The following CLCN7 variants were observed in gnomAD, a reference collection of about 807,000 sequenced individuals.
CLCN7 encodes the protein H(+)/Cl(-) exchange transporter 7.
In CLCN7, 60 loss-of-function variants were observed where a neutral mutation model predicts 102.1. That is an observed-to-expected ratio of 0.59 (90% CI 0.48 to 0.73). CLCN7 has a LOEUF of 0.73. Ranked by LOEUF, CLCN7 falls within the 30% of genes least tolerant of loss-of-function variation. CLCN7 has a pLI of 0.00. For synonymous variants in CLCN7, 560 were observed against 490.5 expected, an observed-to-expected ratio of 1.14 and a Z score of -1.87; for missense variants, 962 against 1,125.7, an observed-to-expected ratio of 0.85 and a Z score of 2.08.
chr16:1,449,768 A>T (rs1020894684), intron 17 of CLCN7: 1 of 228,226 alleles, frequency 4.4e-6, no homozygotes, highest in Non-Finnish European at 8.5e-6. Flanking sequence ...GGAACATTCT[A>T]GAAGTGGTAG....
chr16:1,447,770 G>T (rs2038677120), intron 21 of CLCN7, 56 bp from the exon 22 acceptor site: 3 of 1,527,814 alleles, frequency 2.0e-6, no homozygotes, highest in Non-Finnish European at 2.7e-6. Flanking sequence ...GGCTGCGCTG[G>T]AATGCTGTGT....
intron 23 of CLCN7, 110 bp downstream of exon 23, chr16:1,447,282 C>T (rs973723362): frequency 1.1e-5 from 14 of 1,255,186 alleles, no homozygotes; most frequent in Admixed American, 8.3e-5. Context: ...ACAGAGTCAC[C>T]GAGTCCTCTC....
In CLCN7 at chr16:1,474,998, C is replaced by G; in HGVS notation, c.-24G>C. ...ATGGCCCGCCGCGGAGCGACACCGG[C>G]CGGGAAGCGCCGGCTGCCCCCGTGT... On this transcript the variant is annotated 5_prime_UTR_variant, in exon 1 of 25. Transcript: ENST00000382745. The G allele has an allele frequency of 6.9e-7, 1 of 1,439,468 alleles. No homozygotes were observed. Among genetic ancestry groups the G allele is most frequent in the Non-Finnish European group, 9.1e-7 (1 of 1,094,482 alleles). 89.2% of individuals were successfully genotyped at this position (1,439,468 alleles called of 1,614,324 possible). A position where few individuals can be genotyped will look rare whatever the true frequency, so the allele number is the denominator to read the frequency against.
chr16:1,455,700 G>C (rs1416638959), intron 11 of CLCN7, 31 bp downstream of exon 11: 3 of 1,610,838 alleles, frequency 1.9e-6, no homozygotes, highest in Admixed American at 1.7e-5. Context: ...CATGCACCCT[G>C]ATCAGGAGGC....
At chr16:1,453,349 T>C (rs1392690446) in intron 14 of CLCN7, among the ~76,000 whole-genome samples, 1 of 152,110 alleles carries the variant, frequency 6.6e-6, no homozygotes, top group Non-Finnish European at 1.5e-5. Context: ...CACCCAAATG[T>C]CCTGGGGTCG....
chr16:1,457,692 A>G lies in CLCN7; in HGVS notation c.738+2T>C, dbSNP rs1314528523. 6.2e-7 allele frequency: 1 copy of G among 1,613,582 alleles called. No homozygotes were observed. Among genetic ancestry groups the G allele is most frequent in the Admixed American group, 1.7e-5 (1 of 60,026 alleles). On this transcript the variant is annotated splice_donor_variant, in intron 8 of 24. Coordinates refer to ENST00000382745, the MANE Select transcript of CLCN7 (RefSeq NM_001287.6). LOFTEE classifies it high-confidence loss of function. This position sits in a 1 kb window ranked among gnomAD's most constrained non-coding sequence, Gnocchi z 5.4. ...CTGGAGTGGCCATGTGCACTTTGTT[A>G]CCTTTCCCACGGCCAGGCCCCCGAC...
chr16:1,464,157 T>G (rs2038973790), intron 2 of CLCN7, among the ~76,000 whole-genome samples: 1 of 152,144 alleles, frequency 6.6e-6, no homozygotes. Context: ...AAAACTTCTA[T>G]AAATCATGTA....
chr16:1,451,645 C>T lies in CLCN7; in HGVS notation c.1425G>A (p.Val475=), dbSNP rs759532680. ...AFFNTPEKSV[V]SLFHDPPGSY... is the part of the protein sequence containing the mutation. ...CACCTGGCGGGTCGTGGAAGAGGCTCACCACGCTCTTCTCCGGGGTGTTGA... is the reference window on the plus strand; with the variant it reads ...CACCTGGCGGGTCGTGGAAGAGGCTTACCACGCTCTTCTCCGGGGTGTTGA... The change falls in exon 16 of 25, where the codon GTG becomes GTA. Residue 475 remains valine (V), a synonymous_variant. Coordinates refer to ENST00000382745, the MANE Select transcript of CLCN7 (RefSeq NM_001287.6). 6.2e-7 allele frequency: 1 copy of T among 1,612,432 alleles called. No homozygotes were observed. Among genetic ancestry groups the T allele is most frequent in the Admixed American group, 1.7e-5 (1 of 60,014 alleles).
At chr16:1,468,459 C>G (rs762262679) in intron 1 of CLCN7, among the ~76,000 whole-genome samples, 1 of 152,234 alleles carries the variant, frequency 6.6e-6, no homozygotes, top group African/African-American at 2.4e-5. Flanking sequence ...AAGAACACGA[C>G]GTTTACTTCA....
At chr16:1,447,340 C>G (rs1463354469) in intron 23 of CLCN7, 52 bp downstream of exon 23, 2 of 1,509,268 alleles carry the variant, frequency 1.3e-6, no homozygotes, top group African/African-American at 2.8e-5. Flanking sequence ...TGGACCCCAC[C>G]CCCTGCTGTT....
rs188506937 is a variant in CLCN7, at chr16:1,457,879, G to C, written c.676-123C>G. On this transcript the variant is annotated intron_variant, in intron 7 of 24. Transcript: ENST00000382745. The surrounding 1 kb of genome is among the most constrained non-coding windows in gnomAD (Gnocchi z 5.4). ...TGGCTGGGACACGGGGCCTCCGGGA[G>C]GGGGCCAGCACCCCCAGGCTGGGTC... The C allele has an allele frequency of 3.7e-4, 350 of 944,126 alleles. No individual in the cohort carries two copies. The East Asian group carries it at 6.0e-3, about 16-fold the overall frequency. The allele number at this position is 944,126 out of a possible 1,614,324, so 58.5% of individuals were successfully genotyped here.
rs6600148 is a variant in CLCN7 at position 1,460,283 on chromosome 16, A to G, written c.594+135T>C. 0.57 allele frequency: 398,114 copies of G among 701,114 alleles called. 115,766 individuals are homozygous for G. The highest frequency in any genetic ancestry group is 0.69 in the African/African-American group (38,969 of 56,728). 43.4% of individuals were successfully genotyped at this position (701,114 alleles called of 1,614,324 possible). ...CCTCCTGAGGTTGTGAGTCTGGACC[A>G]CGTGATTCTAAAAGTGCCCGGGTTG... On this transcript the variant is annotated intron_variant, in intron 6 of 24. Transcript: ENST00000382745.
intron 2 of CLCN7, among the ~76,000 whole-genome samples, chr16:1,464,064 T>C (rs1302252312): frequency 6.6e-6 from 1 of 152,156 alleles, no homozygotes; most frequent in African/African-American, 2.4e-5. Context: ...TCACCTCCCT[T>C]GGCCAAAACT....
chr16:1,457,091 G>C lies in CLCN7; in HGVS notation c.822+163C>G, dbSNP rs1302560831. On this transcript the variant is annotated intron_variant, in intron 9 of 24. Coordinates refer to ENST00000382745, the MANE Select transcript of CLCN7 (RefSeq NM_001287.6). The surrounding 1 kb of genome is among the most constrained non-coding windows in gnomAD (Gnocchi z 5.4). The stretch of plus-strand genomic sequence containing the variant: ...GCGGGCCGTAGGGAGGCCTTGCCGG[G>C]CAGGGACTGTGCCCGCTGGCTCTGG... Among the ~76,000 whole-genome samples the C allele has an allele frequency of 6.6e-6, 1 of 152,190 alleles. No homozygotes were observed. The highest frequency in any genetic ancestry group is 2.4e-5 in the African/African-American group (1 of 41,442).
intron 11 of CLCN7, chr16:1,455,505 T>C: frequency 1.5e-6 from 1 of 657,646 alleles, no homozygotes; most frequent in Non-Finnish European, 2.7e-6. Flanking sequence ...GGCTGTTTGA[T>C]CCCCTACCCG....
intron 6 of CLCN7, 149 bp from the exon 7 acceptor site, chr16:1,459,336 CA>C: frequency 4.9e-6 from 3 of 606,620 alleles, no homozygotes; most frequent in Non-Finnish European, 8.9e-6. Context: ...GTCGGGGCCC[CA>C]GGGAAGGGAA....
Position 1,459,139 on chromosome 16 carries a change from C to G in CLCN7, c.643G>C (p.Gly215Arg). Residue 215 changes from glycine to arginine, a missense_variant, in exon 7 of 25, where the codon GGG becomes CGG. By Grantham distance (125) the Gly-to-Arg change is moderately radical. Transcript: ENST00000382745. ...GIPQIKCFLN[G>R]VKIPHVVRLK... Reference sequence around the variant, plus strand: ...CGCACCACGTGGGGGATCTTCACCCCGTTGAGGAAGCACTTGATCTGGGGG... The same window carrying G: ...CGCACCACGTGGGGGATCTTCACCCGGTTGAGGAAGCACTTGATCTGGGGG... 6.2e-7 allele frequency: 1 copy of G among 1,613,134 alleles called. No individual in the cohort carries two copies. The highest frequency in any genetic ancestry group is 8.5e-7 in the Non-Finnish European group (1 of 1,179,774).
intron 19 of CLCN7, 35 bp downstream of exon 19, chr16:1,448,931 C>G (rs368913050): frequency 6.2e-7 from 1 of 1,610,734 alleles, no homozygotes; most frequent in Non-Finnish European, 8.5e-7. Context: ...GCAGCACCCA[C>G]GCTCTCAGGG....
At chr16:1,474,804 T>C (rs1466420685) in intron 1 of CLCN7, 30 bp downstream of exon 1, 3 of 1,297,428 alleles carry the variant, frequency 2.3e-6, no homozygotes, top group Non-Finnish European at 2.9e-6. Flanking sequence ...GAGGGCTCAG[T>C]TTCCCCGCCT....
Sources: gnomAD v4.1 joint callset for allele counts (sites outside exome capture counted in the v4.1 genomes callset) on GRCh38, gnomAD v4.1.1 for gene constraint, Gnocchi (gnomAD v3.1) non-coding constraint, MANE v1.5 for transcripts, NCBI Gene and HGNC (gene_info 2026-07-23, HGNC 2026-07-21) for gene names.